CIITA: variants seen among roughly 807,000 people sequenced by gnomAD.
CIITA encodes class II major histocompatibility complex transactivator, also known as MHC class II transactivator.
Under a neutral mutation model 115.1 loss-of-function variants are expected in CIITA, and 72 were observed. The observed-to-expected ratio is 0.63, with a 90% CI of 0.52 to 0.76. The LOEUF is 0.76. Ranked by LOEUF, CIITA falls within the 30% of genes least tolerant of loss-of-function variation. The pLI, the probability that CIITA is intolerant of heterozygous loss-of-function variation, is 0.00. For missense variants in CIITA, 1,617 were observed against 1,463.8 expected (o/e 1.10, Z -1.71); for synonymous variants, 763 against 635.6 (o/e 1.20, Z -3.02).
chr16:10,892,712 C>G (rs1002173639), intron 1 of CIITA, among the ~76,000 whole-genome samples: 1 of 152,210 alleles, frequency 6.6e-6, no homozygotes, highest in Non-Finnish European at 1.5e-5. Context: ...ATTGGAGGAT[C>G]ACCTGAGGTC....
chr16:10,883,440 C>T (rs559002680), intron 1 of CIITA, among the ~76,000 whole-genome samples: 30 of 152,318 alleles, frequency 2.0e-4, no homozygotes, highest in African/African-American at 6.3e-4. Flanking sequence ...CATCCTGGGA[C>T]CACCAGGCCC....
Position 10,935,473 on chromosome 16 carries a change from C to G in CIITA, c.*11618C>G, listed in dbSNP as rs1439444418. 2 of 152,134 alleles carry G rather than the reference C, an allele frequency of 1.3e-5. No homozygotes were observed. Among genetic ancestry groups the G allele is most frequent in the Non-Finnish European group, 2.9e-5 (2 of 68,016 alleles). 9.4% of individuals were successfully genotyped at this position (152,134 alleles called of 1,614,324 possible). A position where few individuals can be genotyped will look rare whatever the true frequency, so the allele number is the denominator to read the frequency against. On this transcript the variant is annotated 3_prime_UTR_variant, in exon 20 of 20. Coordinates refer to ENST00000324288, the MANE Select transcript of CIITA (RefSeq NM_000246.4). ...TTGGCAGTTAGTGTTTTTATCCATGCCAAGCGATGATGATTTTCTCTTTAG... is the reference window on the plus strand; with the variant it reads ...TTGGCAGTTAGTGTTTTTATCCATGGCAAGCGATGATGATTTTCTCTTTAG...
At chr16:10,919,491 A>G (rs1195633332) in intron 16 of CIITA, among the ~76,000 whole-genome samples, 1 of 137,292 alleles carries the variant, frequency 7.3e-6, no homozygotes, top group African/African-American at 2.5e-5. Flanking sequence ...GTGAGCCACC[A>G]TGCCCGGCCA....
intron 1 of CIITA, among the ~76,000 whole-genome samples, chr16:10,871,321 G>T (rs564452902): frequency 4.2e-4 from 64 of 152,294 alleles, no homozygotes; most frequent in African/African-American, 1.5e-3. Flanking sequence ...ACTGTAAGTG[G>T]GGGCAACCTC....
intron 9 of CIITA, among the ~76,000 whole-genome samples, chr16:10,904,153 G>A (rs774840283): frequency 3.9e-5 from 6 of 152,124 alleles, no homozygotes; most frequent in Non-Finnish European, 7.3e-5. Context: ...GCCAGACAAT[G>A]TGGTCAGATC....
Position 10,895,563 on chromosome 16 carries a change from T to G in CIITA, c.200-106T>G, listed in dbSNP as rs1006310565. ...CAGCTCCCACGTCTGTGGGACGCTC[T>G]CTGCAGATGGGGATGATCTCCCAGC... On this transcript the variant is annotated intron_variant, in intron 2 of 19. Coordinates refer to ENST00000324288, the MANE Select transcript of CIITA (RefSeq NM_000246.4). 4.5e-6 allele frequency: 7 copies of G among 1,560,180 alleles called. No individual in the cohort carries two copies. In the African/African-American group the frequency reaches 9.5e-5, roughly 21 times the overall value.
intron 1 of CIITA, among the ~76,000 whole-genome samples, chr16:10,892,847 C>T (rs1022916823): frequency 2.0e-5 from 3 of 152,068 alleles, no homozygotes; most frequent in Admixed American, 6.5e-5. Flanking sequence ...GCAGGAGAAT[C>T]GCTTGAACTG....
At position 10,908,007 on chromosome 16, in the gene CIITA, C is replaced by G. The variant is rs1175375174; in HGVS notation, c.2515C>G (p.Arg839Gly). 1.9e-6 allele frequency: 3 copies of G among 1,598,720 alleles called. No homozygotes were observed. The highest frequency in any genetic ancestry group is 3.3e-4 in the Middle Eastern group (2 of 5,980). The stretch of plus-strand genomic sequence containing the variant: ...CGGCCGCCTCTCTTTTCTGGGCACC[C>G]GCCTCACGCCTCCTGATGCACATGT... ...LPGRLSFLGT[R>G]LTPPDAHVLG... Residue 839 changes from arginine to glycine, a missense_variant, in exon 11 of 20, where the codon CGC (arginine) becomes GGC (glycine). Transcript: ENST00000324288.
intron 16 of CIITA, among the ~76,000 whole-genome samples, chr16:10,921,405 G>T (rs1490568361): frequency 1.3e-5 from 2 of 152,158 alleles, no homozygotes; most frequent in Non-Finnish European, 2.9e-5. Flanking sequence ...CCTGCCCCCA[G>T]TGCTGGTCAC....
At chr16:10,899,026 AACCTAGCCTTGCTTGAG>A (rs1417994061) in intron 5 of CIITA, 24 bp downstream of exon 5, 7 of 1,612,276 alleles carry the variant, frequency 4.3e-6, no homozygotes, top group South Asian at 3.3e-5. Context: ...TCCCTGATCC[AACCTAGCCTTGCTTGAG>A]ACCTGGCCTT....
Position 10,922,405 on chromosome 16 carries a change from A to AGC in CIITA, c.3234_3235dup, listed in dbSNP as rs759605406. ...GGCCCCAAGGTGAGTTTCTCTTGCCAGCGTCCAGTACAACAAGTTCACGGC... is the reference window on the plus strand; with the variant it reads ...GGCCCCAAGGTGAGTTTCTCTTGCCAGCGCGTCCAGTACAACAAGTTCACGGC... On this transcript the variant is annotated splice_acceptor_variant, in intron 17 of 19. Transcript: ENST00000324288. LOFTEE classifies it high-confidence loss of function. 1.2e-6 allele frequency: 2 copies of AGC among 1,614,210 alleles called. No individual in the cohort carries two copies. Among genetic ancestry groups the AGC allele is most frequent in the Non-Finnish European group, 1.7e-6 (2 of 1,180,048 alleles).
chr16:10,901,399 C>T lies in CIITA; in HGVS notation c.437-115C>T. The stretch of plus-strand genomic sequence containing the variant: ...AGAGCGAGGGGAGGAAAATGGACCC[C>T]CAAGACCACTACCCAGCCTTGAAGT... On this transcript the variant is annotated intron_variant, in intron 5 of 19. Coordinates refer to ENST00000324288, the MANE Select transcript of CIITA (RefSeq NM_000246.4). This position sits in a 1 kb window ranked among gnomAD's most constrained non-coding sequence, Gnocchi z 6.8. 8.7e-7 allele frequency: 1 copy of T among 1,145,170 alleles called. No individual in the cohort carries two copies. The highest frequency in any genetic ancestry group is 1.3e-6 in the Non-Finnish European group (1 of 771,198). The allele number at this position is 1,145,170 out of a possible 1,614,324, so 70.9% of individuals were successfully genotyped here.
Position 10,904,760 on chromosome 16 carries a change from C to A in CIITA, c.954C>A (p.Pro318=), listed in dbSNP as rs898296262. ...RANMTEHKTS[P]TQCPAAGEVS... ...CATCTCCAGAGCACAAGACGTCCCC[C>A]ACCCAATGCCCGGCAGCTGGAGAGG... Residue 318 remains proline, a synonymous_variant, in exon 10 of 20, where the codon CCC becomes CCA. Coordinates refer to ENST00000324288, the MANE Select transcript of CIITA (RefSeq NM_000246.4). 3.7e-6 allele frequency: 6 copies of A among 1,614,030 alleles called. No individual in the cohort carries two copies. The highest frequency in any genetic ancestry group is 5.1e-6 in the Non-Finnish European group (6 of 1,180,012).
At chr16:10,903,115 T>C (rs2038902318) in intron 8 of CIITA, among the ~76,000 whole-genome samples, 1 of 152,250 alleles carries the variant, frequency 6.6e-6, no homozygotes, top group South Asian at 2.1e-4. Flanking sequence ...CAATACATGC[T>C]CACTAATAAG....
chr16:10,882,622 G>C (rs915350348), intron 1 of CIITA, among the ~76,000 whole-genome samples: 2 of 152,038 alleles, frequency 1.3e-5, no homozygotes, highest in Non-Finnish European at 2.9e-5. Flanking sequence ...TCCAGGCCGG[G>C]CATGGTGGCT....
At chr16:10,936,710 C>G (rs1393700193), downstream of CIITA, 4 of 152,196 alleles carry the variant, frequency 2.6e-5, no homozygotes, top group African/African-American at 9.7e-5. Flanking sequence ...GGATGGGGAG[C>G]CCTCACTGGA....
At chr16:10,918,611 A>G in intron 16 of CIITA, 85 bp downstream of exon 16, 1 of 1,173,470 alleles carries the variant, frequency 8.5e-7, no homozygotes, top group East Asian at 2.3e-5. Flanking sequence ...GCTGCAGGGG[A>G]CACTGAGACC....
chr16:10,922,379 A>T (rs377693594), intron 17 of CIITA, 28 bp from the exon 18 acceptor site: 140 of 1,613,924 alleles, frequency 8.7e-5, no homozygotes, highest in Non-Finnish European at 1.1e-4. Context: ...CCCAAGGGCC[A>T]GGCCCCAAGG....
At chr16:10,918,844 C>CTAGGA (rs2040109031) in intron 16 of CIITA, among the ~76,000 whole-genome samples, 1 of 152,174 alleles carries the variant, frequency 6.6e-6, no homozygotes, top group African/African-American at 2.4e-5. Context: ...TTTCCGGAAC[C>CTAGGA]TAGGGGTGGT....
Sources: gnomAD v4.1 joint callset for allele counts (sites outside exome capture counted in the v4.1 genomes callset) on GRCh38, gnomAD v4.1.1 for gene constraint, Gnocchi (gnomAD v3.1) non-coding constraint, MANE v1.5 for transcripts, NCBI Gene and HGNC (gene_info 2026-07-23, HGNC 2026-07-21) for gene names.